The following PCNX2 variants were observed in gnomAD, a reference collection of about 807,000 sequenced individuals.
PCNX2 encodes the protein pecanex 2.
In PCNX2, 168 loss-of-function variants were observed where a neutral mutation model predicts 223.8. That is an observed-to-expected ratio of 0.75 (90% CI 0.66 to 0.85). The LOEUF (loss-of-function observed/expected upper bound fraction) is 0.85. Ranked by LOEUF, PCNX2 falls within the 40% of genes least tolerant of loss-of-function variation. The pLI is 0.00. For synonymous variants in PCNX2, 1,006 were observed against 1,052.6 expected (o/e 0.96, Z 0.86); for missense variants, 2,507 against 2,675.5 (o/e 0.94, Z 1.39).
chr1:233,074,360 C>T (rs572498442), intron 23 of PCNX2, among the ~76,000 whole-genome samples: 20 of 152,028 alleles, frequency 1.3e-4, no homozygotes, highest in South Asian at 6.2e-4. Context: ...TTTGGGAGGC[C>T]GAGGCGGGCA....
chr1:233,205,783 A>G (rs1463679507), intron 13 of PCNX2, among the ~76,000 whole-genome samples: 2 of 152,208 alleles, frequency 1.3e-5, no homozygotes, highest in Admixed American at 1.3e-4. Context: ...TAGTGCCTCT[A>G]AATGCCAGAC....
intron 17 of PCNX2, among the ~76,000 whole-genome samples, chr1:233,174,784 C>G (rs1256594681): frequency 6.6e-6 from 1 of 152,068 alleles, no homozygotes; most frequent in Non-Finnish European, 1.5e-5. Flanking sequence ...AAAAGACTAA[C>G]CAGGTAAACC....
At chr1:233,044,857 TG>T (rs1671773942) in intron 25 of PCNX2, among the ~76,000 whole-genome samples, 1 of 152,000 alleles carries the variant, frequency 6.6e-6, no homozygotes, top group Non-Finnish European at 1.5e-5. Context: ...TTAGTAGAGA[TG>T]GGGTTTCACC....
intron 32 of PCNX2, among the ~76,000 whole-genome samples, chr1:232,996,357 C>T (rs1482493035): frequency 6.6e-6 from 1 of 152,168 alleles, no homozygotes; most frequent in East Asian, 1.9e-4. Flanking sequence ...TTGGAAGCTA[C>T]TTTGCATTTC....
rs137954244 is a variant in PCNX2 at position 233,106,698 on chromosome 1, C to T, written c.3838-10835G>A. 2.8e-3 allele frequency among the ~76,000 whole-genome samples: 423 copies of T among 152,264 alleles called. 2 individuals are homozygous for T. The highest frequency in any genetic ancestry group is 9.9e-3 in the African/African-American group (411 of 41,546). ...TCCTGCCCTTGGGAAATGGGTATGA[C>T]AGCCAAGTTCATTCACCTCCTATCA... On this transcript the variant is annotated intron_variant, in intron 21 of 33. Coordinates refer to ENST00000258229, the MANE Select transcript of PCNX2 (RefSeq NM_014801.4).
intron 1 of PCNX2, among the ~76,000 whole-genome samples, chr1:233,267,919 T>TA (rs1660428941): frequency 1.3e-5 from 2 of 152,064 alleles, no homozygotes; most frequent in South Asian, 4.2e-4. Context: ...ATTCGATGTT[T>TA]AGTTTTTTTT....
At chr1:233,275,770 G>A (rs1434509778) in intron 1 of PCNX2, among the ~76,000 whole-genome samples, 3 of 151,618 alleles carry the variant, frequency 2.0e-5, no homozygotes, top group South Asian at 2.1e-4. Context: ...AGTGGCTCAC[G>A]CCTGTAATCC....
At chr1:233,052,564 C>T (rs925251207) in intron 25 of PCNX2, among the ~76,000 whole-genome samples, 5 of 152,202 alleles carry the variant, frequency 3.3e-5, no homozygotes, top group Non-Finnish European at 2.9e-5. Flanking sequence ...TCCTCTGGTC[C>T]TTAACCTGGC....
Position 233,139,194 on chromosome 1 carries a change from A to ACAAATGCC in PCNX2, c.3659+519_3659+520insGGCATTTG, listed in dbSNP as rs1676968250. 6.6e-6 allele frequency among the ~76,000 whole-genome samples: 1 copy of ACAAATGCC among 152,230 alleles called. No homozygotes were observed. The highest frequency in any genetic ancestry group is 1.5e-5 in the Non-Finnish European group (1 of 68,036). On this transcript the variant is annotated intron_variant, in intron 20 of 33. Coordinates refer to ENST00000258229, the MANE Select transcript of PCNX2 (RefSeq NM_014801.4). This position sits in a 1 kb window ranked among gnomAD's most constrained non-coding sequence, Gnocchi z 4.4. ...ACCAATAACTCGACTGTACATTGTTAATGCTTTGAAAGACATGGGCATCTT... is the reference window on the plus strand; with the variant it reads ...ACCAATAACTCGACTGTACATTGTTACAAATGCCATGCTTTGAAAGACATGGGCATCTT...
At chr1:233,289,634 T>C (rs542783982) in intron 1 of PCNX2, among the ~76,000 whole-genome samples, 2 of 152,312 alleles carry the variant, frequency 1.3e-5, no homozygotes, top group Admixed American at 6.5e-5. Flanking sequence ...GGCATCTCAA[T>C]GCAAGAATAA....
chr1:233,220,803 G>A (rs1657331251), intron 10 of PCNX2, among the ~76,000 whole-genome samples: 1 of 152,092 alleles, frequency 6.6e-6, no homozygotes, highest in Non-Finnish European at 1.5e-5. Flanking sequence ...ACAAAAATGA[G>A]AGAAACAGTA....
At position 233,178,738 on chromosome 1, in the gene PCNX2, G is replaced by A. The variant is rs1572027545; in HGVS notation, c.3176+328C>T. On this transcript the variant is annotated intron_variant, in intron 16 of 33. Coordinates refer to ENST00000258229, the MANE Select transcript of PCNX2 (RefSeq NM_014801.4). Reference sequence around the variant, plus strand: ...GATCTAGAGAGGGTATTGTTGAGGAGGCAGCTTCTTACCCAGCTCACCCAA... The same window carrying A: ...GATCTAGAGAGGGTATTGTTGAGGAAGCAGCTTCTTACCCAGCTCACCCAA... Among the ~76,000 whole-genome samples the A allele has an allele frequency of 3.9e-5, 6 of 152,292 alleles. No homozygotes were observed. In the South Asian group the frequency reaches 1.0e-3, roughly 26 times the overall value.
chr1:233,302,676 A>G, the PCNX2 span, among the ~76,000 whole-genome samples: 1 of 150,438 alleles, frequency 6.6e-6, no homozygotes, highest in Non-Finnish European at 1.5e-5. Flanking sequence ...AAATCTATAC[A>G]TTTTCCTCTA....
chr1:232,987,051 G>C (rs952555332), intron 32 of PCNX2, among the ~76,000 whole-genome samples: 1 of 152,206 alleles, frequency 6.6e-6, no homozygotes, highest in Non-Finnish European at 1.5e-5. Context: ...AAGAAGAAAG[G>C]GGAGGAGAGC....
At position 233,223,709 on chromosome 1, in the gene PCNX2, G is replaced by A. The variant is rs533000608; in HGVS notation, c.2504+3517C>T. ...CTCCCACTTATGAGTGAGAACATGC[G>A]GTGTTTGGTTTTCTGTTCCTGTGTT... On this transcript the variant is annotated intron_variant, in intron 10 of 33. Transcript: ENST00000258229. 7.2e-5 allele frequency among the ~76,000 whole-genome samples: 11 copies of A among 152,206 alleles called. No individual in the cohort carries two copies. In the South Asian group the frequency reaches 1.9e-3, roughly 26 times the overall value.
chr1:233,273,620 C>T (rs537909765), intron 1 of PCNX2, among the ~76,000 whole-genome samples: 4 of 145,348 alleles, frequency 2.8e-5, no homozygotes, highest in Admixed American at 2.1e-4. Flanking sequence ...AAAAGAGAAG[C>T]TCTTTTGGCA....
intron 1 of PCNX2, among the ~76,000 whole-genome samples, chr1:233,278,909 G>A (rs1661044769): frequency 6.6e-6 from 1 of 152,078 alleles, no homozygotes; most frequent in South Asian, 2.1e-4. Context: ...TCTCACTGGG[G>A]CTCAAATTGA....
intron 26 of PCNX2, 97 bp downstream of exon 26, chr1:233,025,049 G>T: frequency 6.7e-7 from 1 of 1,496,060 alleles, no homozygotes; most frequent in Non-Finnish European, 9.1e-7. Flanking sequence ...AGCTGAGGAT[G>T]ACAGGCTTCA....
intron 23 of PCNX2, among the ~76,000 whole-genome samples, chr1:233,067,900 A>G (rs1431373141): frequency 6.6e-6 from 1 of 152,204 alleles, no homozygotes; most frequent in Non-Finnish European, 1.5e-5. Flanking sequence ...AAACAGACTG[A>G]AGAAAAAAAA....
Sources: gnomAD v4.1 joint callset for allele counts (sites outside exome capture counted in the v4.1 genomes callset) on GRCh38, gnomAD v4.1.1 for gene constraint, Gnocchi (gnomAD v3.1) non-coding constraint, MANE v1.5 for transcripts, NCBI Gene and HGNC (gene_info 2026-07-23, HGNC 2026-07-21) for gene names.